PDE4D: variants seen among roughly 807,000 people sequenced by gnomAD.
PDE4D encodes the protein phosphodiesterase 4D, also known as 3',5'-cyclic-AMP phosphodiesterase 4D.
In PDE4D, 24 loss-of-function variants were observed where a neutral mutation model predicts 87.4. That is an observed-to-expected ratio of 0.27 (90% CI 0.20 to 0.39). The LOEUF (loss-of-function observed/expected upper bound fraction) is 0.39, where lower values mean the gene tolerates loss of function less well. PDE4D is among the 10% of genes least tolerant of loss of function. The pLI, the probability that PDE4D is intolerant of heterozygous loss-of-function variation, is 1.00. For missense variants in PDE4D, 714 were observed against 1,041.0 expected (o/e 0.69, Z 4.32); for synonymous variants, 384 against 383.2 (o/e 1.00, Z -0.02).
intron 2 of PDE4D, among the ~76,000 whole-genome samples, chr5:59,205,096 C>G (rs1030466241): frequency 6.6e-6 from 1 of 152,158 alleles, no homozygotes; most frequent in African/African-American, 2.4e-5. Flanking sequence ...GACAAGCTGA[C>G]AGAACTCAGT....
chr5:60,477,978 ATTATCC>A (rs981654932), intron 1 of PDE4D, among the ~76,000 whole-genome samples: 1 of 152,176 alleles, frequency 6.6e-6, no homozygotes, highest in Admixed American at 6.5e-5. Flanking sequence ...ATCTTCCATG[ATTATCC>A]TTTTAATCAT....
chr5:59,000,811 C>A (rs1204686897), intron 6 of PDE4D, among the ~76,000 whole-genome samples: 1 of 152,128 alleles, frequency 6.6e-6, no homozygotes. Flanking sequence ...GCCTCAGCCT[C>A]CCGAGAAGCT....
intron 1 of PDE4D, among the ~76,000 whole-genome samples, chr5:59,759,582 C>T (rs983097089): frequency 1.3e-5 from 2 of 152,190 alleles, no homozygotes; most frequent in African/African-American, 4.8e-5. Flanking sequence ...GGAAAATCTT[C>T]CTCAGGTCTT....
chr5:59,826,089 G>A (rs1447920042), intron 1 of PDE4D, among the ~76,000 whole-genome samples: 1 of 152,098 alleles, frequency 6.6e-6, no homozygotes, highest in Non-Finnish European at 1.5e-5. Context: ...ACTCAGGGTG[G>A]AAAGAATTTG....
At position 60,237,107 on chromosome 5, in the gene PDE4D, T is replaced by C. The variant is rs145112673; in HGVS notation, c.-89-51420A>G. Reference sequence around the variant, plus strand: ...TGACAATACCAAATGCTTACAAAGATGGAGAGAACTGGATCTCTCACATGT... The same window carrying C: ...TGACAATACCAAATGCTTACAAAGACGGAGAGAACTGGATCTCTCACATGT... On this transcript the variant is annotated intron_variant, in intron 1 of 16. Coordinates refer to the PDE4D transcript ENST00000502484. Among the ~76,000 whole-genome samples the C allele has an allele frequency of 1.2e-3, 188 of 152,062 alleles. 1 individual carries two copies. Among genetic ancestry groups the C allele is most frequent in the African/African-American group, 4.2e-3 (176 of 41,540 alleles).
At chr5:59,571,589 C>T (rs1446404517) in intron 1 of PDE4D, among the ~76,000 whole-genome samples, 5 of 152,176 alleles carry the variant, frequency 3.3e-5, no homozygotes, top group Admixed American at 2.6e-4. Flanking sequence ...ATAGACTCAT[C>T]TGTCAATCAA....
chr5:59,977,577 G>GA (rs1008492324), intron 3 of PDE4D, among the ~76,000 whole-genome samples: 39 of 150,548 alleles, frequency 2.6e-4, no homozygotes, highest in Non-Finnish European at 3.7e-4. Flanking sequence ...ATAAAAGCTG[G>GA]AAAAAAAAAG....
intron 1 of PDE4D, among the ~76,000 whole-genome samples, chr5:59,352,932 T>A (rs780438252): frequency 5.9e-5 from 9 of 152,152 alleles, no homozygotes; most frequent in Non-Finnish European, 1.3e-4. Flanking sequence ...GTTGAAACAA[T>A]TGGCAAAAAT....
chr5:59,681,195 G>A (rs1478287731), intron 1 of PDE4D, among the ~76,000 whole-genome samples: 1 of 152,100 alleles, frequency 6.6e-6, no homozygotes, highest in Non-Finnish European at 1.5e-5. Flanking sequence ...CTCAAAGAAT[G>A]ATAGTAACGT....
chr5:59,207,574 A>G (rs187125410), intron 2 of PDE4D, among the ~76,000 whole-genome samples: 1 of 152,244 alleles, frequency 6.6e-6, no homozygotes, highest in East Asian at 1.9e-4. Context: ...TTTGGTATGC[A>G]CTGAAAAATA....
At chr5:60,207,174 T>C (rs972899265) in intron 1 of PDE4D, among the ~76,000 whole-genome samples, 10 of 152,118 alleles carry the variant, frequency 6.6e-5, no homozygotes, top group African/African-American at 2.4e-4. Context: ...AACGGGTGCC[T>C]AACGCAGGAG....
intron 2 of PDE4D, among the ~76,000 whole-genome samples, chr5:60,172,499 T>G (rs998734614): frequency 1.3e-5 from 2 of 152,056 alleles, no homozygotes; most frequent in African/African-American, 2.4e-5. Flanking sequence ...CAGCAATCAT[T>G]GCTTTCACTC....
intron 2 of PDE4D, among the ~76,000 whole-genome samples, chr5:60,107,278 G>A (rs537353236): frequency 1.3e-5 from 2 of 152,150 alleles, no homozygotes; most frequent in East Asian, 3.9e-4. Flanking sequence ...TAAATTCCTG[G>A]ACACACACAC....
At chr5:60,251,838 T>C (rs1013489470) in intron 1 of PDE4D, among the ~76,000 whole-genome samples, 1 of 151,942 alleles carries the variant, frequency 6.6e-6, no homozygotes, top group African/African-American at 2.4e-5. Context: ...ATAGTAATGT[T>C]CTGGGCCTTT....
chr5:60,017,015 A>T (rs1053609383), intron 2 of PDE4D, among the ~76,000 whole-genome samples: 2 of 152,244 alleles, frequency 1.3e-5, no homozygotes, highest in African/African-American at 4.8e-5. Context: ...CTTGAAAGTC[A>T]AAATGACTCC....
chr5:59,678,987 A>G (rs982010019), intron 1 of PDE4D, among the ~76,000 whole-genome samples: 1 of 152,300 alleles, frequency 6.6e-6, no homozygotes, highest in East Asian at 1.9e-4. Context: ...TCCTAGACTG[A>G]GCATTACCAA....
intron 3 of PDE4D, among the ~76,000 whole-genome samples, chr5:59,922,402 C>T (rs1412021601): frequency 1.3e-5 from 2 of 152,116 alleles, no homozygotes; most frequent in African/African-American, 4.8e-5. Context: ...GCCACCCCAC[C>T]CCCAACCCTA....
chr5:59,842,145 G>A (rs1453354289), intron 1 of PDE4D, among the ~76,000 whole-genome samples: 1 of 152,000 alleles, frequency 6.6e-6, no homozygotes. Flanking sequence ...GGTTGTTAAG[G>A]TGCTTCAAGA....
intron 2 of PDE4D, among the ~76,000 whole-genome samples, chr5:60,105,634 G>A (rs1007656685): frequency 1.3e-5 from 2 of 152,076 alleles, no homozygotes; most frequent in Non-Finnish European, 2.9e-5. Context: ...TACCTACAAA[G>A]GGAAGCCCAT....
Sources: gnomAD v4.1 joint callset for allele counts (sites outside exome capture counted in the v4.1 genomes callset) on GRCh38, gnomAD v4.1.1 for gene constraint, MANE v1.5 for transcripts, NCBI Gene and HGNC (gene_info 2026-07-23, HGNC 2026-07-21) for gene names.